ANXA8: variants seen among roughly 807,000 people sequenced by gnomAD.
ANXA8 encodes the protein VAC-beta.
In ANXA8, 9 loss-of-function variants were observed where a neutral mutation model predicts 26.8. The ratio of observed to expected loss-of-function variants is 0.34; its 90% CI spans 0.20 to 0.59. The LOEUF is 0.59. Among genes scored for constraint, ANXA8 ranks in the 20% least tolerant of loss-of-function variants. The pLI, the probability that ANXA8 is intolerant of heterozygous loss-of-function variation, is 0.84. For missense variants in ANXA8, 83 were observed against 238.5 expected (o/e 0.35, Z 4.29); for synonymous variants, 39 against 94.8 (o/e 0.41, Z 3.42).
At chr10:47,755,476 C>T in the ANXA8 span, among the ~76,000 whole-genome samples, 51 of 150,462 alleles carry the variant, frequency 3.4e-4, no homozygotes, top group African/African-American at 1.1e-3. Flanking sequence ...AGGATGGTCT[C>T]GATCTCCTGA....
the ANXA8 span, among the ~76,000 whole-genome samples, chr10:47,709,714 G>A: frequency 6.9e-5 from 8 of 115,532 alleles, no homozygotes; most frequent in Non-Finnish European, 1.2e-4. Flanking sequence ...CTTGCAGCTG[G>A]AAATTGGTGA....
At chr10:47,779,697 TA>T in the ANXA8 span, among the ~76,000 whole-genome samples, 1 of 98,944 alleles carries the variant, frequency 1.0e-5, no homozygotes, top group African/African-American at 4.0e-5. Flanking sequence ...CTGATTGATA[TA>T]AACTGGCTTC....
At chr10:47,743,378 ATGTG>A in the ANXA8 span, among the ~76,000 whole-genome samples, 137 of 59,772 alleles carry the variant, frequency 2.3e-3, 1 homozygote, top group African/African-American at 4.3e-3. Context: ...ATACATATAT[ATGTG>A]TGTGTGTGTG....
the ANXA8 span, among the ~76,000 whole-genome samples, chr10:47,591,315 T>G: frequency 7.0e-6 from 1 of 143,136 alleles, no homozygotes; most frequent in Non-Finnish European, 1.5e-5. Flanking sequence ...CCAACCCGAG[T>G]GGCTAAAAGA....
At chr10:47,591,553 C>T in the ANXA8 span, among the ~76,000 whole-genome samples, 1 of 140,480 alleles carries the variant, frequency 7.1e-6, no homozygotes, top group Non-Finnish European at 1.5e-5. Context: ...ACGACATTCT[C>T]CTGCCTCAGC....
chr10:47,960,682 C>A, the ANXA8 span, among the ~76,000 whole-genome samples: 34 of 148,990 alleles, frequency 2.3e-4, no homozygotes, highest in East Asian at 6.8e-3. Flanking sequence ...ATGTCACCCG[C>A]ACTCAGATTC....
At chr10:47,528,469 C>T in the ANXA8 span, among the ~76,000 whole-genome samples, 2 of 139,852 alleles carry the variant, frequency 1.4e-5, no homozygotes, top group Non-Finnish European at 3.1e-5. Context: ...TAAAAAAAGC[C>T]TGATACACTA....
the ANXA8 span, among the ~76,000 whole-genome samples, chr10:47,560,045 T>A: frequency 6.6e-6 from 1 of 150,618 alleles, no homozygotes; most frequent in East Asian, 2.0e-4. Context: ...GCGGAACATG[T>A]CTCTTGTTAT....
the ANXA8 span, among the ~76,000 whole-genome samples, chr10:47,957,099 G>A: frequency 6.7e-6 from 1 of 150,268 alleles, no homozygotes; most frequent in African/African-American, 2.5e-5. Flanking sequence ...CTTTGATTGG[G>A]TATAATCATG....
the ANXA8 span, chr10:47,986,690 TCC>T: frequency 2.8e-6 from 1 of 359,156 alleles, no homozygotes; most frequent in Non-Finnish European, 5.5e-6. Context: ...AACGCGTCAC[TCC>T]GGCTTCCACT....
the ANXA8 span, among the ~76,000 whole-genome samples, chr10:47,778,078 T>C: frequency 3.9e-5 from 6 of 152,066 alleles, no homozygotes; most frequent in African/African-American, 1.2e-4. Flanking sequence ...TTCTGCCTAT[T>C]TGTGGCTAGT....
At chr10:47,916,543 G>C in the ANXA8 span, among the ~76,000 whole-genome samples, 1 of 130,022 alleles carries the variant, frequency 7.7e-6, no homozygotes, top group East Asian at 2.2e-4. Context: ...TTGGCTGGCT[G>C]AGACAAGACA....
chr10:47,594,183 G>A, the ANXA8 span, among the ~76,000 whole-genome samples: 1 of 150,888 alleles, frequency 6.6e-6, no homozygotes, highest in East Asian at 1.9e-4. Flanking sequence ...TTGTGATCGT[G>A]TGAGTCAATG....
the ANXA8 span, among the ~76,000 whole-genome samples, chr10:47,676,201 G>A: frequency 1.3e-5 from 2 of 151,672 alleles, no homozygotes; most frequent in East Asian, 1.9e-4. Flanking sequence ...ATATCAGATG[G>A]TCTAACATAT....
chr10:47,555,842 AAC>A, the ANXA8 span, among the ~76,000 whole-genome samples: 2 of 152,074 alleles, frequency 1.3e-5, no homozygotes, highest in African/African-American at 4.8e-5. Flanking sequence ...TGTGAGTAGA[AAC>A]AGTTTTCCTT....
the ANXA8 span, among the ~76,000 whole-genome samples, chr10:47,650,471 A>T: frequency 6.6e-6 from 1 of 152,044 alleles, no homozygotes; most frequent in East Asian, 1.9e-4. Flanking sequence ...ATATGTAAAG[A>T]ACTATCACAG....
At position 47,484,097 on chromosome 10, in the gene ANXA8, C is replaced by T; in HGVS notation, c.-164G>A. ...GGGCAGCGCCACACCTGCCTGCCGT[C>T]CCCTCGCCCCCGGGCTCTGCCTGGC... is the stretch of plus-strand genomic sequence containing the variant. On this transcript the variant is annotated 5_prime_UTR_variant, in exon 1 of 12. Transcript: ENST00000585281. 1 of 1,571,804 alleles carries T rather than the reference C, an allele frequency of 6.4e-7. No individual in the cohort carries two copies. The highest frequency in any genetic ancestry group is 8.7e-7 in the Non-Finnish European group (1 of 1,147,718).
chr10:47,763,359 T>G, the ANXA8 span: 1 of 985,538 alleles, frequency 1.0e-6, no homozygotes, highest in African/African-American at 1.7e-5. Flanking sequence ...CCCTGCGATT[T>G]GGGACAACTT....
At chr10:47,737,183 C>T in the ANXA8 span, among the ~76,000 whole-genome samples, 34 of 149,702 alleles carry the variant, frequency 2.3e-4, no homozygotes, top group African/African-American at 6.1e-4. Context: ...TAAATATTTA[C>T]GTGGATCAAC....
Sources: allele counts gnomAD v4.1 joint callset (sites outside exome capture counted in the v4.1 genomes callset), GRCh38; gene constraint gnomAD v4.1.1; transcripts MANE v1.5; gene names NCBI Gene and HGNC (gene_info 2026-07-23, HGNC 2026-07-21).